Variants in SRGAP3 observed in about 807,000 individuals in gnomAD.
SRGAP3 encodes SLIT-ROBO Rho GTPase activating protein 3.
In SRGAP3, 39 loss-of-function variants were observed where a neutral mutation model predicts 121.1. The observed-to-expected ratio is 0.32, with a 90% CI of 0.25 to 0.42. The LOEUF (loss-of-function observed/expected upper bound fraction) is 0.42. Among genes scored for constraint, SRGAP3 ranks in the 10% least tolerant of loss-of-function variants. SRGAP3 has a pLI of 1.00. For missense variants in SRGAP3, 1,213 were observed against 1,470.6 expected (o/e 0.82, Z 2.86); for synonymous variants, 601 against 570.0 (o/e 1.05, Z -0.77).
chr3:8,998,968 T>C (rs1559874881), intron 18 of SRGAP3, among the ~76,000 whole-genome samples: 1 of 152,234 alleles, frequency 6.6e-6, no homozygotes, highest in Non-Finnish European at 1.5e-5. Context: ...TAGAGGCTTC[T>C]AGATGTTTTT....
intron 3 of SRGAP3, among the ~76,000 whole-genome samples, chr3:9,256,449 A>G (rs1954134158): frequency 6.6e-6 from 1 of 152,080 alleles, no homozygotes; most frequent in Non-Finnish European, 1.5e-5. Flanking sequence ...TGCCTAGGAG[A>G]GTCTAGGTCC....
At chr3:9,148,123 G>A (rs929343256) in intron 1 of SRGAP3, among the ~76,000 whole-genome samples, 2 of 152,142 alleles carry the variant, frequency 1.3e-5, no homozygotes, top group South Asian at 2.1e-4. Flanking sequence ...GGAGGACAAC[G>A]CTAATCACCA....
chr3:9,117,356 C>T (rs937892153), intron 2 of SRGAP3, among the ~76,000 whole-genome samples: 33 of 152,336 alleles, frequency 2.2e-4, no homozygotes, highest in African/African-American at 7.2e-4. Context: ...GCTTTATCCC[C>T]GCTAAGAAGT....
At chr3:9,032,891 T>C (rs1041557338) in intron 11 of SRGAP3, 139 bp from the exon 12 acceptor site, 3 of 763,634 alleles carry the variant, frequency 3.9e-6, no homozygotes, top group Non-Finnish European at 6.5e-6. Flanking sequence ...AAGACATTGG[T>C]TTCCAATGTT....
intron 3 of SRGAP3, among the ~76,000 whole-genome samples, chr3:9,297,960 T>C (rs2648563): frequency 0.2 from 30,857 of 151,356 alleles, 3,324 homozygotes; most frequent in Non-Finnish European, 0.24. Flanking sequence ...AGGAAGACTA[T>C]GTGAAGACCA....
intron 3 of SRGAP3, among the ~76,000 whole-genome samples, chr3:9,091,681 C>T (rs1168184747): frequency 6.6e-6 from 1 of 152,304 alleles, no homozygotes; most frequent in Non-Finnish European, 1.5e-5. Context: ...TAACGGCTCA[C>T]TCCCATTCCT....
chr3:9,080,799 C>A (rs1380620391), intron 3 of SRGAP3, among the ~76,000 whole-genome samples: 1 of 152,144 alleles, frequency 6.6e-6, no homozygotes, highest in African/African-American at 2.4e-5. Flanking sequence ...AAATCTAATG[C>A]AGGATGATCT....
chr3:9,178,687 T>C (rs985660537), intron 1 of SRGAP3, among the ~76,000 whole-genome samples: 1 of 152,118 alleles, frequency 6.6e-6, no homozygotes, highest in Non-Finnish European at 1.5e-5. Flanking sequence ...GCTGACGGCA[T>C]GACGGATGCT....
At position 9,013,805 on chromosome 3, in the gene SRGAP3, T is replaced by C. The variant is rs1314390373; in HGVS notation, c.1851A>G (p.Gln617=). ...CGCGGGGAAGGGTGACGAGGATTTG[T>C]TGGATCTGGTGCACCCTCTCGGCTG... ...ENPAERVHQI[Q]QILVTLPRVV... The change falls in exon 16 of 22, where the codon CAA becomes CAG. Residue 617 remains glutamine, a synonymous_variant. Transcript: ENST00000383836. The C allele has an allele frequency of 2.5e-6, 4 of 1,614,180 alleles. No homozygotes were observed. Among genetic ancestry groups the C allele is most frequent in the Admixed American group, 1.7e-5 (1 of 60,016 alleles).
Position 9,111,983 on chromosome 3 carries a change from T to G in SRGAP3, c.261-7141A>C, listed in dbSNP as rs1948640414. Among the ~76,000 whole-genome samples the G allele has an allele frequency of 3.9e-5, 6 of 152,224 alleles. No individual in the cohort carries two copies. In the South Asian group the frequency reaches 8.3e-4, roughly 21 times the overall value. ...GAACATTTCTGGTGAGTCACAGCTT[T>G]CTTTCTTTGGCTAGGGGATCTGGAT... On this transcript the variant is annotated intron_variant, in intron 2 of 21. Coordinates refer to ENST00000383836, the MANE Select transcript of SRGAP3 (RefSeq NM_014850.4).
At chr3:9,331,549 C>T (rs1955608636) in intron 1 of SRGAP3, among the ~76,000 whole-genome samples, 1 of 152,176 alleles carries the variant, frequency 6.6e-6, no homozygotes, top group African/African-American at 2.4e-5. Flanking sequence ...ATTCTCTCCT[C>T]GATAACTAGC....
intron 1 of SRGAP3, among the ~76,000 whole-genome samples, chr3:9,180,188 C>A (rs1479472063): frequency 6.6e-6 from 1 of 152,146 alleles, no homozygotes; most frequent in Non-Finnish European, 1.5e-5. Flanking sequence ...TTGTCAGTCA[C>A]CTCGGCAGTG....
chr3:9,269,129 T>A (rs912066262), intron 3 of SRGAP3, among the ~76,000 whole-genome samples: 2 of 152,190 alleles, frequency 1.3e-5, no homozygotes, highest in Admixed American at 1.3e-4. Flanking sequence ...TCTTGAAAGG[T>A]CATTTCTTGC....
At chr3:9,074,203 G>A (rs1434919614) in intron 4 of SRGAP3, among the ~76,000 whole-genome samples, 2 of 152,128 alleles carry the variant, frequency 1.3e-5, no homozygotes, top group Non-Finnish European at 2.9e-5. Flanking sequence ...CAGTGGAGAT[G>A]GGGAATGGAG....
chr3:9,072,340 C>T (rs1022471037), intron 4 of SRGAP3, among the ~76,000 whole-genome samples: 1 of 152,272 alleles, frequency 6.6e-6, no homozygotes, highest in Admixed American at 6.5e-5. Flanking sequence ...TTCCCACACA[C>T]TGTCATATCC....
At chr3:9,314,223 A>C (rs1030816034) in intron 3 of SRGAP3, among the ~76,000 whole-genome samples, 3 of 152,184 alleles carry the variant, frequency 2.0e-5, no homozygotes, top group Non-Finnish European at 4.4e-5. Flanking sequence ...AGAGATGTCT[A>C]ATCCAGTTGT....
intron 1 of SRGAP3, among the ~76,000 whole-genome samples, chr3:9,237,398 A>G (rs960209954): frequency 1.3e-5 from 2 of 152,226 alleles, no homozygotes; most frequent in African/African-American, 4.8e-5. Flanking sequence ...CTAATGAACA[A>G]GAGAAATCAA....
chr3:9,006,326 G>A (rs1174400007), intron 18 of SRGAP3, among the ~76,000 whole-genome samples: 1 of 150,826 alleles, frequency 6.6e-6, no homozygotes, highest in Non-Finnish European at 1.5e-5. Flanking sequence ...CTTGAACCAG[G>A]GAGTCGGAGG....
intron 1 of SRGAP3, among the ~76,000 whole-genome samples, chr3:9,166,614 G>C (rs547123261): frequency 6.6e-6 from 1 of 152,334 alleles, no homozygotes; most frequent in South Asian, 2.1e-4. Flanking sequence ...TCATGGAGCA[G>C]AGCCTCCAAG....
Sources: gnomAD v4.1 joint callset for allele counts (sites outside exome capture counted in the v4.1 genomes callset) on GRCh38, gnomAD v4.1.1 for gene constraint, MANE v1.5 for transcripts, NCBI Gene and HGNC (gene_info 2026-07-23, HGNC 2026-07-21) for gene names.